Variants in SHLD2 observed in about 807,000 individuals in gnomAD.
SHLD2 encodes RINN1-REV7-interacting novel NHEJ regulator 2.
In SHLD2, 30 loss-of-function variants were observed where a neutral mutation model predicts 73.2. That is an observed-to-expected ratio of 0.41 (90% CI 0.31 to 0.56). The LOEUF is 0.56. SHLD2 is among the 20% of genes least tolerant of loss of function. SHLD2 has a pLI of 0.28. For missense variants in SHLD2, 745 were observed against 1,055.9 expected, an observed-to-expected ratio of 0.71 and a Z score of 4.08; for synonymous variants, 285 against 370.1, an observed-to-expected ratio of 0.77 and a Z score of 2.64.
intron 2 of SHLD2, among the ~76,000 whole-genome samples, chr10:87,143,605 C>T (rs1845361658): frequency 6.6e-6 from 1 of 152,082 alleles, no homozygotes; most frequent in Admixed American, 6.6e-5. Flanking sequence ...AACAGGAAAA[C>T]TGAGCAATGT....
chr10:87,107,620 C>G (rs1198247651), intron 2 of SHLD2, among the ~76,000 whole-genome samples: 1 of 152,146 alleles, frequency 6.6e-6, no homozygotes, highest in Non-Finnish European at 1.5e-5. Flanking sequence ...AACTGTGATA[C>G]AGAAAAGACC....
chr10:87,187,339 A>G, intron 9 of SHLD2, 139 bp downstream of exon 9: 1 of 642,008 alleles, frequency 1.6e-6, no homozygotes, highest in Non-Finnish European at 2.8e-6. Flanking sequence ...CTTAAGTGAA[A>G]TATAAGCCTA....
intron 2 of SHLD2, among the ~76,000 whole-genome samples, chr10:87,139,029 CTT>C (rs1171909568): frequency 1.3e-5 from 2 of 152,234 alleles, no homozygotes; most frequent in African/African-American, 4.8e-5. Flanking sequence ...GTAAGAGAAT[CTT>C]TGATTGGACA....
intron 4 of SHLD2, among the ~76,000 whole-genome samples, chr10:87,165,011 A>AC (rs1847099922): frequency 6.6e-6 from 1 of 152,016 alleles, no homozygotes; most frequent in African/African-American, 2.4e-5. Context: ...ACATGGCAAA[A>AC]CCCCGTCTCT....
intron 9 of SHLD2, among the ~76,000 whole-genome samples, chr10:87,190,067 T>A (rs1848947554): frequency 6.6e-6 from 1 of 152,150 alleles, no homozygotes; most frequent in Non-Finnish European, 1.5e-5. Flanking sequence ...CTTACCTGTT[T>A]ATTTATTTAG....
intron 2 of SHLD2, among the ~76,000 whole-genome samples, chr10:87,109,769 G>A (rs1016151667): frequency 6.6e-6 from 1 of 152,166 alleles, no homozygotes; most frequent in Admixed American, 6.5e-5. Flanking sequence ...CCTCTGTGCT[G>A]GAGTCTACAT....
chr10:87,096,896 G>A (rs1449148071), intron 1 of SHLD2, 38 bp from the exon 2 acceptor site: 1 of 152,160 alleles, frequency 6.6e-6, no homozygotes, highest in Admixed American at 6.5e-5. Flanking sequence ...TGCTAAATAA[G>A]TCATTGTCAT....
At chr10:87,173,609 A>T (rs1238072581) in intron 6 of SHLD2, among the ~76,000 whole-genome samples, 2 of 152,212 alleles carry the variant, frequency 1.3e-5, no homozygotes, top group Non-Finnish European at 2.9e-5. Context: ...AAATACAAAA[A>T]TAATGAAACA....
intron 4 of SHLD2, among the ~76,000 whole-genome samples, chr10:87,160,200 G>A (rs1160891589): frequency 6.6e-6 from 1 of 151,920 alleles, no homozygotes; most frequent in Admixed American, 6.6e-5. Flanking sequence ...AATAAATATA[G>A]TATCAGCCTG....
chr10:87,114,017 ATAAAT>A (rs1843093885), intron 2 of SHLD2: 2 of 150,286 alleles, frequency 1.3e-5, no homozygotes, highest in Admixed American at 1.3e-4. Flanking sequence ...AAAAAAAAAG[ATAAAT>A]TATGGTATTT....
At chr10:87,113,426 A>C (rs980095730) in intron 2 of SHLD2, among the ~76,000 whole-genome samples, 2 of 152,232 alleles carry the variant, frequency 1.3e-5, no homozygotes, top group African/African-American at 4.8e-5. Context: ...AACATGGATA[A>C]ACCTTAAAAA....
chr10:87,189,114 G>A (rs1848844988), intron 9 of SHLD2, among the ~76,000 whole-genome samples: 1 of 150,996 alleles, frequency 6.6e-6, no homozygotes, highest in African/African-American at 2.4e-5. Context: ...CAAGTCTCCT[G>A]CCTCAGTTTC....
At chr10:87,158,401 G>A (rs533979076) in intron 4 of SHLD2, among the ~76,000 whole-genome samples, 5 of 152,238 alleles carry the variant, frequency 3.3e-5, no homozygotes, top group African/African-American at 1.2e-4. Flanking sequence ...TATAGTGGTG[G>A]TTCTTCACCT....
intron 2 of SHLD2, among the ~76,000 whole-genome samples, chr10:87,145,069 T>G (rs556105608): frequency 1.3e-3 from 192 of 147,880 alleles, no homozygotes; most frequent in Non-Finnish European, 2.0e-3. Flanking sequence ...GCCTCCCGAG[T>G]AGCTGGGACT....
chr10:87,145,209 G>A (rs1326730257), intron 2 of SHLD2, among the ~76,000 whole-genome samples: 1 of 152,100 alleles, frequency 6.6e-6, no homozygotes, highest in Non-Finnish European at 1.5e-5. Context: ...CCAGCATTTA[G>A]TAATTCTTAA....
intron 1 of SHLD2, among the ~76,000 whole-genome samples, chr10:87,096,169 G>C (rs1347368167): frequency 2.1e-5 from 3 of 145,330 alleles, no homozygotes; most frequent in African/African-American, 7.8e-5. Context: ...CCTCAGCCTC[G>C]GGGTAGCTGG....
At chr10:87,139,008 A>C (rs1411999801) in intron 2 of SHLD2, among the ~76,000 whole-genome samples, 3 of 152,234 alleles carry the variant, frequency 2.0e-5, no homozygotes, top group African/African-American at 7.2e-5. Flanking sequence ...ACTACACAGA[A>C]ATCTATAGAA....
intron 7 of SHLD2, among the ~76,000 whole-genome samples, chr10:87,176,453 T>G (rs1847957704): frequency 6.6e-6 from 1 of 152,350 alleles, no homozygotes; most frequent in Middle Eastern, 3.4e-3. Context: ...CCCAGCCCAC[T>G]GCTAGTTTTA....
chr10:87,169,671 A>C (rs1438553830), intron 4 of SHLD2, among the ~76,000 whole-genome samples: 1 of 151,116 alleles, frequency 6.6e-6, no homozygotes, highest in East Asian at 1.9e-4. Context: ...TCTTACCTTC[A>C]GAGAAATTAA....
Sources: gnomAD v4.1 joint callset for allele counts (sites outside exome capture counted in the v4.1 genomes callset) on GRCh38, gnomAD v4.1.1 for gene constraint, MANE v1.5 for transcripts, NCBI Gene and HGNC (gene_info 2026-07-23, HGNC 2026-07-21) for gene names.